ADCY2: variants seen among roughly 807,000 people sequenced by gnomAD.
ADCY2 encodes the protein adenylate cyclase type 2.
ADCY2 carries 31 observed loss-of-function variants against 125.2 expected under a neutral mutation model. The observed-to-expected ratio is 0.25, with a 90% CI of 0.19 to 0.33. ADCY2 has a LOEUF of 0.33. Ranked by LOEUF, ADCY2 falls within the 10% of genes least tolerant of loss-of-function variation. ADCY2 has a pLI of 1.00. For missense variants in ADCY2, 904 were observed against 1,418.2 expected (o/e 0.64, Z 5.82); for synonymous variants, 512 against 548.4 (o/e 0.93, Z 0.93).
intron 1 of ADCY2, among the ~76,000 whole-genome samples, chr5:7,405,858 C>G (rs151289750): frequency 2.0e-5 from 3 of 152,028 alleles, no homozygotes; most frequent in Non-Finnish European, 4.4e-5. Context: ...TAGTTTATTC[C>G]CATTTATTTA....
chr5:7,624,612 T>C (rs550329137), intron 3 of ADCY2, among the ~76,000 whole-genome samples: 1 of 152,334 alleles, frequency 6.6e-6, no homozygotes, highest in African/African-American at 2.4e-5. Context: ...TTGGGAGGAC[T>C]GTCCTCCCCC....
intron 20 of ADCY2, among the ~76,000 whole-genome samples, chr5:7,791,707 A>C (rs1181716450): frequency 6.6e-6 from 1 of 152,136 alleles, no homozygotes; most frequent in Non-Finnish European, 1.5e-5. Context: ...GCCCATTTTT[A>C]AATTCAGCAA....
intron 18 of ADCY2, among the ~76,000 whole-genome samples, chr5:7,776,151 A>G (rs1262212261): frequency 7.2e-6 from 1 of 139,004 alleles, no homozygotes; most frequent in Non-Finnish European, 1.5e-5. Context: ...TGCCTTGCTT[A>G]TTGATGCTGA....
In ADCY2 at chr5:7,396,527, TC is replaced by T; in HGVS notation, c.210+23del. 1 of 1,545,472 alleles carries T rather than the reference TC, an allele frequency of 6.5e-7. No homozygotes were observed. The highest frequency in any genetic ancestry group is 1.9e-5 in the Admixed American group (1 of 53,656). On this transcript the variant is annotated intron_variant, in intron 1 of 24. Coordinates refer to ENST00000338316, the MANE Select transcript of ADCY2 (RefSeq NM_020546.3). This position sits in a 1 kb window ranked among gnomAD's most constrained non-coding sequence, Gnocchi z 5.7. ...GGCTGGTGAGTGGCCTCCCCGCGGGTCCAGCGCCGCGCCTTCCCCGGCCCTG... is the reference window on the plus strand; with the variant it reads ...GGCTGGTGAGTGGCCTCCCCGCGGGTCAGCGCCGCGCCTTCCCCGGCCCTG...
chr5:7,474,146 C>T (rs1037318948), intron 2 of ADCY2, among the ~76,000 whole-genome samples: 10 of 152,204 alleles, frequency 6.6e-5, no homozygotes, highest in African/African-American at 2.2e-4. Flanking sequence ...TGGAGCAATG[C>T]TCTTTACAGG....
chr5:7,707,555 A>G, intron 8 of ADCY2, 151 bp from the exon 9 acceptor site: 1 of 893,502 alleles, frequency 1.1e-6, no homozygotes, highest in Non-Finnish European at 1.7e-6. Flanking sequence ...ATCTTTCCAA[A>G]GCAGTGGTCA....
At chr5:7,634,144 C>T (rs1160100123) in intron 4 of ADCY2, among the ~76,000 whole-genome samples, 2 of 152,182 alleles carry the variant, frequency 1.3e-5, no homozygotes, top group Non-Finnish European at 2.9e-5. Context: ...TTTGAACTTA[C>T]TTTCATGGGG....
In ADCY2 at chr5:7,706,855, A is replaced by T; in HGVS notation, c.1221A>T (p.Ser407=). 1 of 1,614,256 alleles carries T rather than the reference A, an allele frequency of 6.2e-7. No individual in the cohort carries two copies. The highest frequency in any genetic ancestry group is 8.5e-7 in the Non-Finnish European group (1 of 1,180,046). The change falls in exon 8 of 25, where the codon TCA becomes TCT. Residue 407 remains serine (S), a synonymous_variant. Coordinates refer to ENST00000338316, the MANE Select transcript of ADCY2 (RefSeq NM_020546.3). ...GLQKWQYDVW[S]HDVTLANHME... ...AGAAGTGGCAATATGATGTGTGGTC[A>T]CATGATGTGACCTTGGCCAACCACA...
At chr5:7,747,571 C>T (rs927993451) in intron 15 of ADCY2, among the ~76,000 whole-genome samples, 4 of 152,142 alleles carry the variant, frequency 2.6e-5, no homozygotes, top group African/African-American at 7.2e-5. Context: ...GAATGTGAGT[C>T]AGTGGCCTTC....
At chr5:7,499,621 C>A (rs1743472612) in intron 2 of ADCY2, among the ~76,000 whole-genome samples, 1 of 134,252 alleles carries the variant, frequency 7.4e-6, no homozygotes, top group Non-Finnish European at 1.6e-5. Flanking sequence ...AGGAACAGAG[C>A]ACTAAAGAAG....
chr5:7,514,607 T>C (rs1744190009), intron 2 of ADCY2, among the ~76,000 whole-genome samples: 1 of 152,214 alleles, frequency 6.6e-6, no homozygotes, highest in African/African-American at 2.4e-5. Context: ...AATGTGACCC[T>C]TATTTGAAAA....
intron 3 of ADCY2, among the ~76,000 whole-genome samples, chr5:7,551,400 G>A (rs1048106844): frequency 1.3e-5 from 2 of 152,098 alleles, no homozygotes; most frequent in African/African-American, 4.8e-5. Flanking sequence ...ACTTCAGAGG[G>A]TTGAAATGAC....
chr5:7,626,704 A>G (rs1053376349), intron 4 of ADCY2, among the ~76,000 whole-genome samples: 1 of 152,056 alleles, frequency 6.6e-6, no homozygotes, highest in Non-Finnish European at 1.5e-5. Flanking sequence ...TTGAACAACC[A>G]ACTCTCATGG....
In ADCY2 at chr5:7,673,260, AAAAAAAAAAATATAT is replaced by A. The variant is rs1404869499; in HGVS notation, c.721-17429_721-17415del. ...TCTCCAAAAAAAAAAAAAAAAAAAA[AAAAAAAAAAATATAT>A]ATATATATATAAAATTAGCCAGGTG... On this transcript the variant is annotated intron_variant, in intron 4 of 24. Coordinates refer to ENST00000338316, the MANE Select transcript of ADCY2 (RefSeq NM_020546.3). Among the ~76,000 whole-genome samples, 8 of 56,090 alleles carry A rather than the reference AAAAAAAAAAATATAT, an allele frequency of 1.4e-4. 1 individual carries two copies. Among genetic ancestry groups the A allele is most frequent in the Non-Finnish European group, 2.8e-4 (8 of 28,380 alleles). The allele number at this position is 56,090 out of a possible 152,430, so 36.8% of individuals were successfully genotyped here.
At chr5:7,602,987 A>G (rs1737266096) in intron 3 of ADCY2, among the ~76,000 whole-genome samples, 1 of 152,158 alleles carries the variant, frequency 6.6e-6, no homozygotes, top group Non-Finnish European at 1.5e-5. Context: ...ATCAGGACTC[A>G]TGTCTGGAGG....
chr5:7,445,138 C>T (rs1741193116), intron 2 of ADCY2, among the ~76,000 whole-genome samples: 1 of 152,150 alleles, frequency 6.6e-6, no homozygotes, highest in African/African-American at 2.4e-5. Context: ...TGTTTGGAGA[C>T]ATATTTAGGA....
At chr5:7,438,234 C>T (rs940518262) in intron 2 of ADCY2, among the ~76,000 whole-genome samples, 1 of 152,126 alleles carries the variant, frequency 6.6e-6, no homozygotes, top group Non-Finnish European at 1.5e-5. Flanking sequence ...CTTGTTAGGG[C>T]ATTGTGCTTA....
chr5:7,445,126 T>G (rs1271930625), intron 2 of ADCY2, among the ~76,000 whole-genome samples: 1 of 152,250 alleles, frequency 6.6e-6, no homozygotes, highest in Non-Finnish European at 1.5e-5. Context: ...AATCTTATAG[T>G]GTGTTTGGAG....
intron 3 of ADCY2, among the ~76,000 whole-genome samples, chr5:7,531,275 G>A (rs12514129): frequency 6.6e-6 from 1 of 151,942 alleles, no homozygotes; most frequent in Non-Finnish European, 1.5e-5. Context: ...GCGACCTGGA[G>A]GGCCGCCGTT....
Sources: allele counts gnomAD v4.1 joint callset (sites outside exome capture counted in the v4.1 genomes callset), GRCh38; gene constraint gnomAD v4.1.1; non-coding constraint Gnocchi (gnomAD v3.1); transcripts MANE v1.5; gene names NCBI Gene and HGNC (gene_info 2026-07-23, HGNC 2026-07-21).